Variants in SLC39A12 observed in about 807,000 individuals in gnomAD.
SLC39A12 encodes the protein solute carrier family 39 member 12, also known as zinc transporter ZIP12.
A neutral mutation model predicts 71.1 loss-of-function variants in SLC39A12; 63 were observed. The ratio of observed to expected loss-of-function variants is 0.89; its 90% CI spans 0.72 to 1.09. The LOEUF is 1.09. Ranked by LOEUF, SLC39A12 falls within the 50% of genes least tolerant of loss-of-function variation. The probability of loss-of-function intolerance (pLI) is 0.00; values close to 1 mark genes in which losing one functional copy is unlikely to be tolerated. For synonymous variants in SLC39A12, 351 were observed against 301.3 expected (o/e 1.16, Z -1.71); for missense variants, 892 against 812.6 (o/e 1.10, Z -1.19).
At chr10:18,001,510 T>C (rs1589240663) in intron 11 of SLC39A12, among the ~76,000 whole-genome samples, 1 of 152,252 alleles carries the variant, frequency 6.6e-6, no homozygotes. Flanking sequence ...TGAGACTCCA[T>C]CTCAAAAAGA....
intron 12 of SLC39A12, among the ~76,000 whole-genome samples, chr10:18,032,780 G>C (rs1274887255): frequency 1.3e-5 from 2 of 151,824 alleles, no homozygotes; most frequent in Non-Finnish European, 2.9e-5. Flanking sequence ...GATATTGGCT[G>C]TGGCTTTGTC....
At chr10:17,967,542 A>G (rs539606797) in intron 4 of SLC39A12, among the ~76,000 whole-genome samples, 1 of 152,302 alleles carries the variant, frequency 6.6e-6, no homozygotes, top group African/African-American at 2.4e-5. Flanking sequence ...TTAAAATAAT[A>G]ACAGTGGCCA....
At chr10:17,952,634 C>T (rs782619365) in intron 1 of SLC39A12, among the ~76,000 whole-genome samples, 2 of 151,816 alleles carry the variant, frequency 1.3e-5, no homozygotes, top group Non-Finnish European at 2.9e-5. Flanking sequence ...ACTACAGGCA[C>T]GTGCCACCAT....
At chr10:17,979,480 T>C (rs1835199743) in intron 5 of SLC39A12, among the ~76,000 whole-genome samples, 1 of 152,244 alleles carries the variant, frequency 6.6e-6, no homozygotes, top group Non-Finnish European at 1.5e-5. Flanking sequence ...CTGATAGGAA[T>C]TGTATTATGA....
At chr10:18,027,665 C>T (rs187185679) in intron 12 of SLC39A12, among the ~76,000 whole-genome samples, 2 of 152,332 alleles carry the variant, frequency 1.3e-5, no homozygotes, top group Middle Eastern at 3.4e-3. Flanking sequence ...GGCTTTTGCT[C>T]TGGTAAGTTG....
At position 17,996,640 on chromosome 10, in the gene SLC39A12, G is replaced by A. The variant is rs117814285; in HGVS notation, c.1600+918G>A. Among the ~76,000 whole-genome samples the A allele has an allele frequency of 2.1e-3, 324 of 152,284 alleles. 9 individuals carry two copies. In the East Asian group the frequency reaches 0.05, roughly 23 times the overall value. On this transcript the variant is annotated intron_variant, in intron 10 of 12. Coordinates refer to ENST00000377369, the MANE Select transcript of SLC39A12 (RefSeq NM_001145195.2). ...ATACAAATGAAGAAAATAGTTGTTA[G>A]CGAGGTTAAATCACTGCTCAAGATT...
At chr10:17,963,475 G>A (rs1554848646) in intron 3 of SLC39A12, among the ~76,000 whole-genome samples, 1 of 152,178 alleles carries the variant, frequency 6.6e-6, no homozygotes, top group African/African-American at 2.4e-5. Flanking sequence ...GAATAAATCA[G>A]TATTATATCT....
At chr10:17,985,407 T>C (rs1278278152) in intron 6 of SLC39A12, among the ~76,000 whole-genome samples, 1 of 151,732 alleles carries the variant, frequency 6.6e-6, no homozygotes, top group Non-Finnish European at 1.5e-5. Context: ...GCAAGTATGA[T>C]GAGAATGAAA....
At chr10:17,958,800 TA>T (rs1479368245) in intron 2 of SLC39A12, among the ~76,000 whole-genome samples, 3 of 152,232 alleles carry the variant, frequency 2.0e-5, no homozygotes, top group African/African-American at 7.2e-5. Context: ...GTGCATTAAA[TA>T]ATTGAGTAAT....
At chr10:18,014,651 A>C (rs1450315199) in intron 12 of SLC39A12, among the ~76,000 whole-genome samples, 1 of 152,180 alleles carries the variant, frequency 6.6e-6, no homozygotes, top group Non-Finnish European at 1.5e-5. Context: ...AATAAAGGAA[A>C]TCTCTATTGT....
chr10:17,985,181 A>G (rs2130815525), intron 6 of SLC39A12, among the ~76,000 whole-genome samples: 1 of 152,236 alleles, frequency 6.6e-6, no homozygotes, highest in East Asian at 1.9e-4. Flanking sequence ...CGTCTCTACT[A>G]AAAATACAAA....
intron 10 of SLC39A12, among the ~76,000 whole-genome samples, chr10:17,997,019 T>G (rs1835702224): frequency 3.1e-5 from 1 of 32,432 alleles, no homozygotes; most frequent in African/African-American, 7.6e-5. Context: ...TGAGACTCCG[T>G]CTCAAAAAAA....
intron 5 of SLC39A12, among the ~76,000 whole-genome samples, chr10:17,980,061 A>T (rs1307556576): frequency 2.6e-5 from 4 of 152,152 alleles, no homozygotes; most frequent in African/African-American, 9.7e-5. Flanking sequence ...GTGGGCAAAG[A>T]TCATGCATCT....
intron 2 of SLC39A12, among the ~76,000 whole-genome samples, chr10:17,954,249 A>ATTTAT (rs1251309731): frequency 6.6e-5 from 10 of 152,112 alleles, no homozygotes; most frequent in African/African-American, 2.2e-4. Context: ...CCAGGTTATT[A>ATTTAT]TTTATTTTAT....
intron 12 of SLC39A12, among the ~76,000 whole-genome samples, chr10:18,027,319 T>G (rs1836705249): frequency 6.6e-6 from 1 of 152,186 alleles, no homozygotes; most frequent in Non-Finnish European, 1.5e-5. Flanking sequence ...CCCAGGTGGA[T>G]TAGGCTTTGA....
At chr10:17,971,388 T>C (rs1041416100) in intron 4 of SLC39A12, among the ~76,000 whole-genome samples, 1 of 151,202 alleles carries the variant, frequency 6.6e-6, no homozygotes, top group African/African-American at 2.4e-5. Context: ...CTCTATTTTT[T>C]GGAATAGTTT....
At chr10:18,030,268 CTTT>C (rs1181691438) in intron 12 of SLC39A12, among the ~76,000 whole-genome samples, 1 of 145,382 alleles carries the variant, frequency 6.9e-6, no homozygotes, top group African/African-American at 2.5e-5. Context: ...TCTTTTCTTT[CTTT>C]TTTTTTTTTG....
intron 12 of SLC39A12, among the ~76,000 whole-genome samples, chr10:18,009,195 T>A (rs1836127815): frequency 6.6e-6 from 1 of 152,110 alleles, no homozygotes; most frequent in African/African-American, 2.4e-5. Flanking sequence ...GCAACAGGAC[T>A]ATAGAAACCT....
chr10:17,998,431 A>G (rs1835745633), intron 10 of SLC39A12, among the ~76,000 whole-genome samples: 1 of 152,120 alleles, frequency 6.6e-6, no homozygotes, highest in African/African-American at 2.4e-5. Context: ...GTTTTTTTAA[A>G]TTTCCTTTCA....
Sources: allele counts gnomAD v4.1 joint callset (sites outside exome capture counted in the v4.1 genomes callset), GRCh38; gene constraint gnomAD v4.1.1; transcripts MANE v1.5; gene names NCBI Gene and HGNC (gene_info 2026-07-23, HGNC 2026-07-21).